The following THRB variants were observed in gnomAD, a reference collection of about 807,000 sequenced individuals.
THRB encodes nuclear receptor subfamily 1 group A member 2.
In THRB, 12 loss-of-function variants were observed where a neutral mutation model predicts 47.8. The observed-to-expected ratio is 0.25, with a 90% CI of 0.16 to 0.41. The LOEUF (loss-of-function observed/expected upper bound fraction) is 0.41, where lower values mean the gene tolerates loss of function less well. THRB is among the 10% of genes least tolerant of loss of function. THRB has a pLI of 1.00. For missense variants in THRB, 348 were observed against 589.2 expected, an observed-to-expected ratio of 0.59 and a Z score of 4.24; for synonymous variants, 218 against 212.2, an observed-to-expected ratio of 1.03 and a Z score of -0.24.
At chr3:24,281,466 G>A (rs2054599113) in intron 3 of THRB, among the ~76,000 whole-genome samples, 1 of 152,054 alleles carries the variant, frequency 6.6e-6, no homozygotes, top group Non-Finnish European at 1.5e-5. Context: ...ACTGGTACCA[G>A]CCGCTGCAAA....
chr3:24,361,514 G>A (rs1302968587), intron 1 of THRB, among the ~76,000 whole-genome samples: 1 of 152,078 alleles, frequency 6.6e-6, no homozygotes, highest in East Asian at 1.9e-4. Flanking sequence ...GAAATTCTGG[G>A]AAGAAAGATA....
chr3:24,444,230 G>A (rs1400805871), intron 1 of THRB, among the ~76,000 whole-genome samples: 1 of 151,804 alleles, frequency 6.6e-6, no homozygotes, highest in Non-Finnish European at 1.5e-5. Flanking sequence ...ACATTATTTG[G>A]AAAGATGATA....
intron 1 of THRB, among the ~76,000 whole-genome samples, chr3:24,417,138 A>ACACGCG (rs142143378): frequency 3.3e-5 from 5 of 151,088 alleles, no homozygotes; most frequent in African/African-American, 1.2e-4. Context: ...ACACACACAC[A>ACACGCG]CGCGCAACGC....
At chr3:24,144,652 A>C (rs1262441320) in intron 7 of THRB, 1 of 152,214 alleles carries the variant, frequency 6.6e-6, no homozygotes, top group Non-Finnish European at 1.5e-5. Flanking sequence ...GTAACTATCA[A>C]TGGAATGGAA....
chr3:24,244,128 G>A (rs569059203), intron 3 of THRB, among the ~76,000 whole-genome samples: 2 of 152,206 alleles, frequency 1.3e-5, no homozygotes, highest in East Asian at 3.9e-4. Context: ...ATGGATACAA[G>A]GGATCCTTTT....
intron 3 of THRB, among the ~76,000 whole-genome samples, chr3:24,240,696 C>T (rs2049397812): frequency 6.6e-6 from 1 of 152,194 alleles, no homozygotes; most frequent in Non-Finnish European, 1.5e-5. Context: ...CTTTGGTGAG[C>T]ATGTGAAGGG....
intron 1 of THRB, among the ~76,000 whole-genome samples, chr3:24,349,933 C>T (rs2063264588): frequency 1.3e-5 from 2 of 151,762 alleles, no homozygotes; most frequent in Admixed American, 1.3e-4. Flanking sequence ...CAAAAGACAC[C>T]ATTATGAGAG....
intron 5 of THRB, among the ~76,000 whole-genome samples, chr3:24,177,481 A>G (rs1057040369): frequency 6.6e-6 from 1 of 151,808 alleles, no homozygotes; most frequent in Non-Finnish European, 1.5e-5. Context: ...TTGTCAGTAT[A>G]AATTATGACG....
chr3:24,440,851 G>A (rs2071456092), intron 1 of THRB, among the ~76,000 whole-genome samples: 3 of 152,156 alleles, frequency 2.0e-5, no homozygotes, highest in Non-Finnish European at 1.5e-5. Context: ...GACTAAATTA[G>A]TTATCTATTG....
At chr3:24,451,494 C>T (rs1308523352) in intron 1 of THRB, among the ~76,000 whole-genome samples, 1 of 152,142 alleles carries the variant, frequency 6.6e-6, no homozygotes, top group Admixed American at 6.5e-5. Flanking sequence ...CTCAGCCTCC[C>T]AAAGTTCTGG....
chr3:24,277,376 T>C (rs1358675282), intron 3 of THRB, among the ~76,000 whole-genome samples: 2 of 152,132 alleles, frequency 1.3e-5, no homozygotes, highest in African/African-American at 4.8e-5. Context: ...CCAATCTAAA[T>C]CAGTAATATT....
intron 6 of THRB, among the ~76,000 whole-genome samples, chr3:24,149,822 T>C (rs1256678832): frequency 1.3e-5 from 2 of 152,210 alleles, no homozygotes; most frequent in Non-Finnish European, 2.9e-5. Flanking sequence ...AGTCTACTTA[T>C]TTTAAAAAAA....
chr3:24,479,634 C>G (rs73823310), intron 1 of THRB, among the ~76,000 whole-genome samples: 6 of 152,148 alleles, frequency 3.9e-5, no homozygotes, highest in South Asian at 2.1e-4. Context: ...TTAGTAGATC[C>G]CAAATCAAAT....
chr3:24,156,514 C>T (rs779498877), intron 5 of THRB, among the ~76,000 whole-genome samples: 1 of 152,162 alleles, frequency 6.6e-6, no homozygotes, highest in African/African-American at 2.4e-5. Flanking sequence ...TCCAAACTGG[C>T]AAATCTTATC....
chr3:24,334,004 T>A (rs2062083240), intron 2 of THRB, among the ~76,000 whole-genome samples: 1 of 152,314 alleles, frequency 6.6e-6, no homozygotes, highest in East Asian at 1.9e-4. Context: ...AAACGCAGAA[T>A]TGGCCCCTGG....
At chr3:24,321,198 CAT>C (rs1349759949) in intron 2 of THRB, among the ~76,000 whole-genome samples, 1 of 152,154 alleles carries the variant, frequency 6.6e-6, no homozygotes, top group Non-Finnish European at 1.5e-5. Context: ...GCTTAAATAA[CAT>C]AACCAGTTGT....
chr3:24,336,137 A>C (rs1474523147), intron 2 of THRB, among the ~76,000 whole-genome samples: 2 of 152,254 alleles, frequency 1.3e-5, no homozygotes, highest in African/African-American at 4.8e-5. Flanking sequence ...TCTATAAATT[A>C]CAAATAGTGT....
At chr3:24,408,250 T>C (rs2067992320) in intron 1 of THRB, among the ~76,000 whole-genome samples, 1 of 151,848 alleles carries the variant, frequency 6.6e-6, no homozygotes. Context: ...TATCCATCAA[T>C]TTACCAATGA....
intron 1 of THRB, among the ~76,000 whole-genome samples, chr3:24,377,838 C>A (rs1267545192): frequency 6.6e-6 from 1 of 152,018 alleles, no homozygotes. Flanking sequence ...TGGCAAAATT[C>A]CATGAGTCTA....
Sources: gnomAD v4.1 joint callset for allele counts (sites outside exome capture counted in the v4.1 genomes callset) on GRCh38, gnomAD v4.1.1 for gene constraint, MANE v1.5 for transcripts, NCBI Gene and HGNC (gene_info 2026-07-23, HGNC 2026-07-21) for gene names.